The following CNTN4 variants were observed in gnomAD, a reference collection of about 807,000 sequenced individuals.
CNTN4 encodes the protein contactin-4.
In CNTN4, 77 loss-of-function variants were observed where a neutral mutation model predicts 122.5. The observed-to-expected ratio is 0.63, with a 90% CI of 0.52 to 0.76. CNTN4 has a LOEUF of 0.76. Ranked by LOEUF, CNTN4 falls within the 30% of genes least tolerant of loss-of-function variation. The pLI is 0.00. For synonymous variants in CNTN4, 512 were observed against 447.0 expected (o/e 1.15, Z -1.83); for missense variants, 1,256 against 1,259.1 (o/e 1.00, Z 0.04).
chr3:2,225,355 A>G (rs1157902893), intron 2 of CNTN4, among the ~76,000 whole-genome samples: 4 of 151,256 alleles, frequency 2.6e-5, no homozygotes, highest in African/African-American at 4.9e-5. Context: ...TCTACTAAAA[A>G]TACAAAAAAG....
intron 13 of CNTN4, among the ~76,000 whole-genome samples, chr3:2,964,614 T>G (rs759346249): frequency 1.4e-4 from 22 of 152,190 alleles, no homozygotes; most frequent in South Asian, 2.1e-4. Flanking sequence ...ATATGTGACA[T>G]AGCTGCTGAC....
At chr3:2,946,709 T>C (rs1460772662) in intron 13 of CNTN4, among the ~76,000 whole-genome samples, 1 of 148,592 alleles carries the variant, frequency 6.7e-6, no homozygotes, top group African/African-American at 2.5e-5. Context: ...TTTTTCTTTT[T>C]TTTTTTTTTT....
chr3:2,951,593 T>C (rs777581022), intron 13 of CNTN4, among the ~76,000 whole-genome samples: 2 of 152,222 alleles, frequency 1.3e-5, no homozygotes, highest in Admixed American at 6.5e-5. Context: ...AACTTATTGG[T>C]AATACATAGA....
chr3:2,399,939 A>G lies in CNTN4; in HGVS notation c.-89+60706A>G, dbSNP rs760687475. Among the ~76,000 whole-genome samples the G allele has an allele frequency of 2.9e-4, 44 of 152,242 alleles. No individual in the cohort carries two copies. In the Middle Eastern group the frequency reaches 0.01, roughly 35 times the overall value. On this transcript the variant is annotated intron_variant, in intron 3 of 24. Coordinates refer to ENST00000418658, the MANE Select transcript of CNTN4 (RefSeq NM_175607.3). ...CTGCATTTTTCTTCAGATACAATCA[A>G]TAAATGTGAGTGATTTCATTACTTA...
intron 6 of CNTN4, among the ~76,000 whole-genome samples, chr3:2,809,865 C>A (rs2092562361): frequency 6.6e-6 from 1 of 151,976 alleles, no homozygotes; most frequent in Non-Finnish European, 1.5e-5. Flanking sequence ...TCTTAAATAG[C>A]ACAAAGGTCT....
chr3:2,267,189 C>T lies in CNTN4; in HGVS notation c.-144-71989C>T, dbSNP rs9872967. On this transcript the variant is annotated intron_variant, in intron 2 of 24. Transcript: ENST00000418658. ...GTGGTGTGTAGAAATTTAGTGTCAGCCACTGAAAGAACTATTTCCTAAGAT... is the reference window on the plus strand; with the variant it reads ...GTGGTGTGTAGAAATTTAGTGTCAGTCACTGAAAGAACTATTTCCTAAGAT... Among the ~76,000 whole-genome samples the T allele has an allele frequency of 7.8e-3, 1,192 of 152,130 alleles. 18 individuals carry two copies. The highest frequency in any genetic ancestry group is 0.027 in the African/African-American group (1,141 of 41,508).
intron 11 of CNTN4, 146 bp from the exon 12 acceptor site, chr3:2,902,730 C>G: frequency 1.3e-6 from 1 of 792,316 alleles, no homozygotes; most frequent in South Asian, 1.6e-5. Flanking sequence ...ATTTAGCTGA[C>G]AGATAAATAG....
intron 4 of CNTN4, among the ~76,000 whole-genome samples, chr3:2,629,809 G>T (rs530633306): frequency 1.3e-5 from 2 of 152,240 alleles, no homozygotes; most frequent in East Asian, 1.9e-4. Flanking sequence ...TAGATTACTA[G>T]AGAGTTCATG....
Position 2,611,305 on chromosome 3 carries a change from A to AAAAAAAG in CNTN4, c.55+39753_55+39754insGAAAAAA, listed in dbSNP as rs1553583041. On this transcript the variant is annotated intron_variant, in intron 4 of 24. Transcript: ENST00000418658. ...CTCACAGCACCTGGAACCAAAAAAA[A>AAAAAAAG]AAAAAAAGAAAGAAAGAAAGAAACA... Among the ~76,000 whole-genome samples, 7 of 148,752 alleles carry AAAAAAAG rather than the reference A, an allele frequency of 4.7e-5. 1 individual carries two copies. The highest frequency in any genetic ancestry group is 7.4e-5 in the African/African-American group (3 of 40,486).
intron 2 of CNTN4, among the ~76,000 whole-genome samples, chr3:2,242,376 C>A (rs555842845): frequency 1.3e-5 from 2 of 152,134 alleles, no homozygotes; most frequent in Admixed American, 1.3e-4. Context: ...GTTATTCAGA[C>A]TCAAGATAGA....
chr3:2,977,136 C>A (rs1466147103), intron 13 of CNTN4, among the ~76,000 whole-genome samples: 1 of 152,178 alleles, frequency 6.6e-6, no homozygotes, highest in East Asian at 1.9e-4. Context: ...ATTTCTTGGG[C>A]ATTGTATTCC....
intron 15 of CNTN4, among the ~76,000 whole-genome samples, chr3:3,026,843 G>A (rs73116694): frequency 4.6e-5 from 7 of 152,030 alleles, no homozygotes; most frequent in South Asian, 4.2e-4. Context: ...TTTCCATAAC[G>A]GTATATTATC....
chr3:2,536,712 C>T (rs1219786462), intron 3 of CNTN4, among the ~76,000 whole-genome samples: 1 of 151,728 alleles, frequency 6.6e-6, no homozygotes, highest in African/African-American at 2.4e-5. Flanking sequence ...GCATGAGCCA[C>T]AAGCCACCCC....
rs76921553 is a variant in CNTN4 at position 2,753,935 on chromosome 3, A to C, written c.358+8238A>C. ...ATTGGTTTCAGGTTTTATAATGAGA[A>C]TAATTAATAACAATATTTCTGCTCT... On this transcript the variant is annotated intron_variant, in intron 6 of 24. Transcript: ENST00000418658. Among the ~76,000 whole-genome samples the C allele has an allele frequency of 3.6e-3, 546 of 152,346 alleles. 3 individuals are homozygous for C. The highest frequency in any genetic ancestry group is 0.012 in the African/African-American group (513 of 41,584).
At chr3:2,238,745 T>TTTTTTTTTTTTTTTTTTTTTTAAG (rs1553606665) in intron 2 of CNTN4, 1 of 109,190 alleles carries the variant, frequency 9.2e-6, no homozygotes, top group East Asian at 2.9e-4. Context: ...GTTTTTTTTT[T>TTTTTTTTTTTTTTTTTTTTTTAAG]GAGACGGAGT....
At chr3:2,898,175 G>A (rs1240945602) in intron 10 of CNTN4, among the ~76,000 whole-genome samples, 1 of 152,126 alleles carries the variant, frequency 6.6e-6, no homozygotes, top group Non-Finnish European at 1.5e-5. Context: ...ATTTGCAAAT[G>A]GCGTGTTAAG....
intron 2 of CNTN4, among the ~76,000 whole-genome samples, chr3:2,285,119 G>T (rs565734856): frequency 1.3e-5 from 2 of 152,072 alleles, no homozygotes; most frequent in Admixed American, 1.3e-4. Context: ...CAACAAAGAT[G>T]CACTATGGAA....
intron 2 of CNTN4, among the ~76,000 whole-genome samples, chr3:2,310,294 G>A (rs139664228): frequency 7.0e-4 from 106 of 152,232 alleles, no homozygotes; most frequent in African/African-American, 2.2e-3. Context: ...GAAAAGATTA[G>A]CCTTGATCAT....
intron 3 of CNTN4, among the ~76,000 whole-genome samples, chr3:2,479,591 C>A (rs2075930379): frequency 6.6e-6 from 1 of 152,134 alleles, no homozygotes; most frequent in South Asian, 2.1e-4. Context: ...ATTGTAACCC[C>A]ATAGTACTCA....
Sources: allele counts gnomAD v4.1 joint callset (sites outside exome capture counted in the v4.1 genomes callset), GRCh38; gene constraint gnomAD v4.1.1; transcripts MANE v1.5; gene names NCBI Gene and HGNC (gene_info 2026-07-23, HGNC 2026-07-21).